The following DNAL1 variants were observed in gnomAD, a reference collection of about 807,000 sequenced individuals.
The protein encoded by DNAL1 is dynein axonemal light chain 1.
In DNAL1, 17 loss-of-function variants were observed where a neutral mutation model predicts 29.4. The observed-to-expected ratio is 0.58, with a 90% CI of 0.40 to 0.87. DNAL1 has a LOEUF of 0.87. Ranked by LOEUF, DNAL1 falls within the 40% of genes least tolerant of loss-of-function variation. The pLI is 0.00. For missense variants in DNAL1, 188 were observed against 214.1 expected (o/e 0.88, Z 0.76); for synonymous variants, 78 against 76.3 (o/e 1.02, Z -0.12).
Position 73,700,004 on chromosome 14 carries a change from A to G in DNAL1, c.*4062A>G, listed in dbSNP as rs2140071304. On this transcript the variant is annotated 3_prime_UTR_variant, in exon 8 of 8. Transcript: ENST00000553645. The stretch of plus-strand genomic sequence containing the variant: ...AATGTCTGCTTAAGATAACTGGTCA[A>G]TAACTTGGTATGGCTACTGGATTCA... The G allele has an allele frequency of 6.6e-6, 1 of 152,374 alleles. No homozygotes were observed. The highest frequency in any genetic ancestry group is 6.5e-5 in the Admixed American group (1 of 15,296). 9.4% of individuals were successfully genotyped at this position (152,374 alleles called of 1,614,324 possible).
rs1892315850 is a variant in DNAL1, at chr14:73,697,088, T to C, written c.*1146T>C. ...CAAAGCAATAGTTAGATGCAGAGGTTAGAATTTATCATGTAAACAAAAAAT... is the reference window on the plus strand; with the variant it reads ...CAAAGCAATAGTTAGATGCAGAGGTCAGAATTTATCATGTAAACAAAAAAT... On this transcript the variant is annotated 3_prime_UTR_variant, in exon 8 of 8. Coordinates refer to ENST00000553645, the MANE Select transcript of DNAL1 (RefSeq NM_031427.4). 1 of 152,208 alleles carries C rather than the reference T, an allele frequency of 6.6e-6. No individual in the cohort carries two copies. The highest frequency in any genetic ancestry group is 1.5e-5 in the Non-Finnish European group (1 of 68,028). The allele number at this position is 152,208 out of a possible 1,614,324, so 9.4% of individuals were successfully genotyped here.
Position 73,695,999 on chromosome 14 carries a change from A to G in DNAL1, c.*57A>G. ...TAAATGTCATAAGAACAATAGATAA[A>G]TTTTATATAATTGTCTATTTTAAAG... On this transcript the variant is annotated 3_prime_UTR_variant, in exon 8 of 8. Coordinates refer to ENST00000553645, the MANE Select transcript of DNAL1 (RefSeq NM_031427.4). 7.0e-7 allele frequency: 1 copy of G among 1,431,644 alleles called. No individual in the cohort carries two copies. The highest frequency in any genetic ancestry group is 1.4e-5 in the African/African-American group (1 of 70,196). The allele number at this position is 1,431,644 out of a possible 1,614,324, so 88.7% of individuals were successfully genotyped here. A position where few individuals can be genotyped will look rare whatever the true frequency, so the allele number is the denominator to read the frequency against.
At chr14:73,647,246 T>C (rs959431619) in intron 1 of DNAL1, among the ~76,000 whole-genome samples, 2 of 151,196 alleles carry the variant, frequency 1.3e-5, no homozygotes, top group Admixed American at 1.3e-4. Context: ...GCGCCTATAG[T>C]CCTAGCTACT....
At chr14:73,680,866 G>C (rs989090347) in intron 5 of DNAL1, among the ~76,000 whole-genome samples, 1 of 152,152 alleles carries the variant, frequency 6.6e-6, no homozygotes, top group East Asian at 1.9e-4. Flanking sequence ...GCATATCACT[G>C]TACTGAGTGC....
chr14:73,681,138 C>CTT (rs766619134), intron 5 of DNAL1, among the ~76,000 whole-genome samples: 3 of 140,246 alleles, frequency 2.1e-5, no homozygotes, highest in Non-Finnish European at 4.7e-5. Context: ...TGTTTTTTTG[C>CTT]TTTTTTTTTT....
intron 4 of DNAL1, among the ~76,000 whole-genome samples, chr14:73,665,315 T>G (rs1191529677): frequency 6.6e-6 from 1 of 152,224 alleles, no homozygotes; most frequent in Non-Finnish European, 1.5e-5. Flanking sequence ...CTGTCTATTC[T>G]AATTTTTTGC....
chr14:73,671,745 C>T, intron 5 of DNAL1, 148 bp downstream of exon 5: 2 of 987,118 alleles, frequency 2.0e-6, no homozygotes, highest in Non-Finnish European at 2.7e-6. Context: ...AGTTACCCTT[C>T]AATAGGTTTG....
intron 1 of DNAL1, among the ~76,000 whole-genome samples, chr14:73,649,010 CTG>C (rs1595198142): frequency 6.6e-6 from 1 of 151,964 alleles, no homozygotes; most frequent in South Asian, 2.1e-4. Context: ...GAGTCTCACT[CTG>C]TTGCCCAGGC....
intron 7 of DNAL1, among the ~76,000 whole-genome samples, chr14:73,693,826 GATA>G (rs1892232021): frequency 6.6e-6 from 1 of 152,170 alleles, no homozygotes; most frequent in African/African-American, 2.4e-5. Context: ...TGGGGGTTCT[GATA>G]ATCTTTCTTA....
Position 73,687,243 on chromosome 14 carries a change from T to G in DNAL1, c.265-16T>G. The G allele has an allele frequency of 6.2e-7, 1 of 1,609,182 alleles. No homozygotes were observed. Among genetic ancestry groups the G allele is most frequent in the Admixed American group, 1.7e-5 (1 of 59,430 alleles). ...AGCTTAAACATAAACATAAATCAAA[T>G]TTTGTTCTTTTTCAGGAGGCAGTAG... On this transcript the variant is annotated splice_polypyrimidine_tract_variant and intron_variant, in intron 5 of 7. Transcript: ENST00000553645.
intron 3 of DNAL1, among the ~76,000 whole-genome samples, chr14:73,659,919 C>T (rs1891306524): frequency 6.6e-6 from 1 of 152,074 alleles, no homozygotes; most frequent in African/African-American, 2.4e-5. Flanking sequence ...AAAACAAATT[C>T]TAATTGGGAT....
chr14:73,677,544 A>ATATT (rs910610601), intron 5 of DNAL1, among the ~76,000 whole-genome samples: 3 of 149,010 alleles, frequency 2.0e-5, no homozygotes, highest in Non-Finnish European at 4.5e-5. Flanking sequence ...ATATATAAAT[A>ATATT]TATTTATTTA....
At chr14:73,666,344 A>G (rs1891476765) in intron 4 of DNAL1, among the ~76,000 whole-genome samples, 1 of 152,216 alleles carries the variant, frequency 6.6e-6, no homozygotes, top group Non-Finnish European at 1.5e-5. Flanking sequence ...CATGACTAAA[A>G]AGCTGTATAA....
intron 1 of DNAL1, chr14:73,651,145 C>G (rs1422058695): frequency 6.6e-6 from 1 of 150,918 alleles, no homozygotes; most frequent in Admixed American, 6.6e-5. Flanking sequence ...ATTTTTTTTT[C>G]TGTTTCTTTT....
chr14:73,652,870 A>G (rs541244231), intron 1 of DNAL1, among the ~76,000 whole-genome samples: 4 of 151,670 alleles, frequency 2.6e-5, no homozygotes, highest in Non-Finnish European at 5.9e-5. Flanking sequence ...TTCTTTCATT[A>G]TTTTATAATT....
chr14:73,648,417 T>TATATATATATATATATATATA (rs71112789), intron 1 of DNAL1, among the ~76,000 whole-genome samples: 40 of 132,722 alleles, frequency 3.0e-4, no homozygotes, highest in African/African-American at 5.6e-4. Flanking sequence ...TATATATATA[T>TATATATATATATATATATATA]TTGTTGTTTG....
At position 73,677,159 on chromosome 14, in the gene DNAL1, A is replaced by T. The variant is rs191850491; in HGVS notation, c.264+5562A>T. 2.0e-5 allele frequency among the ~76,000 whole-genome samples: 3 copies of T among 151,066 alleles called. No individual in the cohort carries two copies. The East Asian group carries it at 5.9e-4, about 30-fold the overall frequency. On this transcript the variant is annotated intron_variant, in intron 5 of 7. Coordinates refer to ENST00000553645, the MANE Select transcript of DNAL1 (RefSeq NM_031427.4). ...CTAATTTTTTGTATTTTTAGTAGAGACGTGATTTCACCTTGCTAGCCAGGA... is the reference window on the plus strand; with the variant it reads ...CTAATTTTTTGTATTTTTAGTAGAGTCGTGATTTCACCTTGCTAGCCAGGA...
chr14:73,647,998 TAC>T (rs1722181273), intron 1 of DNAL1, among the ~76,000 whole-genome samples: 2 of 152,072 alleles, frequency 1.3e-5, no homozygotes, highest in South Asian at 4.1e-4. Flanking sequence ...TTCGTTTTGA[TAC>T]AGAGTCTCGT....
At chr14:73,682,518 A>G (rs1225411603) in intron 5 of DNAL1, among the ~76,000 whole-genome samples, 1 of 151,384 alleles carries the variant, frequency 6.6e-6, no homozygotes, top group Non-Finnish European at 1.5e-5. Context: ...ACTTTTCAAT[A>G]TTTTTTTAAC....
Sources: allele counts gnomAD v4.1 joint callset (sites outside exome capture counted in the v4.1 genomes callset), GRCh38; gene constraint gnomAD v4.1.1; transcripts MANE v1.5; gene names NCBI Gene and HGNC (gene_info 2026-07-23, HGNC 2026-07-21).